Variants in ANGPT1 observed in about 807,000 individuals in gnomAD.
The protein encoded by ANGPT1 is angiopoietin 1.
In ANGPT1, 17 loss-of-function variants were observed where a neutral mutation model predicts 62.2. The observed-to-expected ratio is 0.27, with a 90% CI of 0.19 to 0.41. The LOEUF (loss-of-function observed/expected upper bound fraction) is 0.41. Ranked by LOEUF, ANGPT1 falls within the 10% of genes least tolerant of loss-of-function variation. The pLI is 1.00. For missense variants in ANGPT1, 478 were observed against 594.9 expected (o/e 0.80, Z 2.04); for synonymous variants, 199 against 198.9 (o/e 1.00, Z 0.00).
At chr8:107,286,357 C>A (rs1044127028) in intron 6 of ANGPT1, among the ~76,000 whole-genome samples, 6 of 151,864 alleles carry the variant, frequency 4.0e-5, no homozygotes. Flanking sequence ...TTTAAAATTA[C>A]GAATTGTTGG....
Position 107,467,192 on chromosome 8 carries a change from C to T in ANGPT1, c.297+30070G>A, listed in dbSNP as rs564761063. Reference sequence around the variant, plus strand: ...AAGGAAATGATAAGGTGATAGATACCCCAATTACCTTTATCGATCATTACA... The same window carrying T: ...AAGGAAATGATAAGGTGATAGATACTCCAATTACCTTTATCGATCATTACA... On this transcript the variant is annotated intron_variant, in intron 1 of 8. Transcript: ENST00000517746. 7.9e-5 allele frequency among the ~76,000 whole-genome samples: 12 copies of T among 151,820 alleles called. No homozygotes were observed. In the East Asian group the frequency reaches 2.3e-3, roughly 29 times the overall value.
At chr8:107,485,274 G>A (rs1460977323) in intron 1 of ANGPT1, among the ~76,000 whole-genome samples, 1 of 152,188 alleles carries the variant, frequency 6.6e-6, no homozygotes, top group Non-Finnish European at 1.5e-5. Flanking sequence ...TATGCGCTGA[G>A]TTGTTTGTTG....
Position 107,493,824 on chromosome 8 carries a change from A to G in ANGPT1, c.297+3438T>C, listed in dbSNP as rs912196031. On this transcript the variant is annotated intron_variant, in intron 1 of 8. Transcript: ENST00000517746. Reference sequence around the variant, plus strand: ...ATAGGGATTAATATATATGTAATATATGGGTTTAAAAAAATCGTCATCATC... The same window carrying G: ...ATAGGGATTAATATATATGTAATATGTGGGTTTAAAAAAATCGTCATCATC... Among the ~76,000 whole-genome samples the G allele has an allele frequency of 4.0e-5, 6 of 150,572 alleles. No individual in the cohort carries two copies. The South Asian group carries it at 1.3e-3, about 33-fold the overall frequency.
intron 1 of ANGPT1, among the ~76,000 whole-genome samples, chr8:107,427,326 T>C (rs1294744131): frequency 6.6e-6 from 1 of 152,190 alleles, no homozygotes; most frequent in Non-Finnish European, 1.5e-5. Context: ...CACTACCCTA[T>C]CAGACATCCT....
intron 4 of ANGPT1, among the ~76,000 whole-genome samples, chr8:107,319,073 C>T (rs942786289): frequency 1.3e-5 from 2 of 152,186 alleles, no homozygotes; most frequent in African/African-American, 4.8e-5. Flanking sequence ...ATGTACTTAA[C>T]TGAATCTTGT....
intron 7 of ANGPT1, among the ~76,000 whole-genome samples, chr8:107,282,553 C>CAT (rs753412026): frequency 0.035 from 1,779 of 50,874 alleles, 64 homozygotes; most frequent in Middle Eastern, 0.043. Context: ...ATATATGAAC[C>CAT]ATATATATAT....
chr8:107,405,246 G>T (rs143086400), intron 1 of ANGPT1, among the ~76,000 whole-genome samples: 1 of 151,804 alleles, frequency 6.6e-6, no homozygotes, highest in East Asian at 1.9e-4. Flanking sequence ...TTTATTATAT[G>T]TAGAGCTATA....
intron 1 of ANGPT1, among the ~76,000 whole-genome samples, chr8:107,392,981 G>C (rs1018856319): frequency 6.6e-6 from 1 of 152,044 alleles, no homozygotes; most frequent in Non-Finnish European, 1.5e-5. Context: ...ATATTGTTTT[G>C]ATTATGGCAG....
intron 1 of ANGPT1, among the ~76,000 whole-genome samples, chr8:107,355,498 G>A (rs1050028313): frequency 2.0e-5 from 3 of 152,082 alleles, no homozygotes; most frequent in Non-Finnish European, 2.9e-5. Flanking sequence ...CACTGTATTC[G>A]TCATAGATGA....
chr8:107,485,362 C>G (rs367597020), intron 1 of ANGPT1, among the ~76,000 whole-genome samples: 37 of 152,142 alleles, frequency 2.4e-4, no homozygotes, highest in African/African-American at 7.5e-4. Context: ...CTATTTTGTC[C>G]CCACCCTGCT....
At chr8:107,489,080 T>C (rs1217594284) in intron 1 of ANGPT1, among the ~76,000 whole-genome samples, 2 of 152,206 alleles carry the variant, frequency 1.3e-5, no homozygotes, top group African/African-American at 2.4e-5. Context: ...TCCTTCCTAA[T>C]GAATAGAGCT....
chr8:107,363,765 AT>A (rs1377262660), intron 1 of ANGPT1, among the ~76,000 whole-genome samples: 2 of 152,266 alleles, frequency 1.3e-5, no homozygotes, highest in East Asian at 3.9e-4. Flanking sequence ...AGTAAAAAAA[AT>A]AATAATAATA....
chr8:107,451,113 A>G (rs538200218), intron 1 of ANGPT1, among the ~76,000 whole-genome samples: 16 of 151,930 alleles, frequency 1.1e-4, no homozygotes, highest in Middle Eastern at 6.8e-3. Context: ...GTGGCTTCAT[A>G]TATATTTCTT....
chr8:107,471,406 C>T (rs1265246970), intron 1 of ANGPT1, among the ~76,000 whole-genome samples: 1 of 151,900 alleles, frequency 6.6e-6, no homozygotes, highest in East Asian at 1.9e-4. Context: ...GCCTGTCAGG[C>T]TGTGGGGGGA....
At chr8:107,387,267 C>T (rs1278888233) in intron 1 of ANGPT1, among the ~76,000 whole-genome samples, 3 of 152,110 alleles carry the variant, frequency 2.0e-5, no homozygotes, top group Non-Finnish European at 4.4e-5. Context: ...TGAAGATATT[C>T]TCCAAGTTCA....
chr8:107,395,589 C>A (rs923749009), intron 1 of ANGPT1, among the ~76,000 whole-genome samples: 25 of 152,002 alleles, frequency 1.6e-4, no homozygotes, highest in African/African-American at 5.8e-4. Flanking sequence ...AATATAAATA[C>A]CCCTCTGTAA....
chr8:107,414,601 A>T (rs1424166187), intron 1 of ANGPT1, among the ~76,000 whole-genome samples: 1 of 152,218 alleles, frequency 6.6e-6, no homozygotes, highest in Non-Finnish European at 1.5e-5. Flanking sequence ...AATGAGGGTG[A>T]TAATTCAGAG....
chr8:107,360,338 A>G (rs1816136139), intron 1 of ANGPT1, among the ~76,000 whole-genome samples: 1 of 152,130 alleles, frequency 6.6e-6, no homozygotes, highest in South Asian at 2.1e-4. Flanking sequence ...TATGGTTACC[A>G]TCTCAGACCA....
intron 3 of ANGPT1, 39 bp downstream of exon 3, chr8:107,336,111 G>A (rs778741298): frequency 1.6e-5 from 25 of 1,566,980 alleles, no homozygotes; most frequent in Non-Finnish European, 2.2e-5. Context: ...ATATAAATAA[G>A]TACACACAGA....
Sources: allele counts gnomAD v4.1 joint callset (sites outside exome capture counted in the v4.1 genomes callset), GRCh38; gene constraint gnomAD v4.1.1; transcripts MANE v1.5; gene names NCBI Gene and HGNC (gene_info 2026-07-23, HGNC 2026-07-21).